Variants in THSD7B observed in about 807,000 individuals in gnomAD.
THSD7B encodes thrombospondin type-1 domain-containing protein 7B.
In THSD7B, 138 loss-of-function variants were observed where a neutral mutation model predicts 213.6. The ratio of observed to expected loss-of-function variants is 0.65; its 90% CI spans 0.56 to 0.74. THSD7B has a LOEUF of 0.74. Among genes scored for constraint, THSD7B ranks in the 30% least tolerant of loss-of-function variants. The probability of loss-of-function intolerance (pLI) is 0.00; values close to 1 mark genes in which losing one functional copy is unlikely to be tolerated. For synonymous variants in THSD7B, 742 were observed against 687.0 expected (o/e 1.08, Z -1.25); for missense variants, 1,931 against 1,991.5 (o/e 0.97, Z 0.58).
At position 137,056,552 on chromosome 2, in the gene THSD7B, G is replaced by T. The variant is rs756376621; in HGVS notation, c.272G>T (p.Arg91Ile). ...CGESNRPPKE[R>I]SCFRVCDWHS... ...GAGAGCAACAGGCCTCCAAAGGAAA[G>T]AAGTTGTTTCCGAGTTTGTGACTGG... Residue 91 changes from arginine (R) to isoleucine (I), a missense_variant, in exon 3 of 28, where the codon AGA (arginine) becomes ATA (isoleucine). By Grantham distance (97) the Arg-to-Ile change is moderately conservative. Coordinates refer to ENST00000409968, the MANE Select transcript of THSD7B (RefSeq NM_001316349.2). 6 of 1,613,936 alleles carry T rather than the reference G, an allele frequency of 3.7e-6. No individual in the cohort carries two copies. Among genetic ancestry groups the T allele is most frequent in the Non-Finnish European group, 5.1e-6 (6 of 1,179,862 alleles).
At chr2:137,111,106 G>A (rs1688338383) in intron 4 of THSD7B, among the ~76,000 whole-genome samples, 1 of 152,186 alleles carries the variant, frequency 6.6e-6, no homozygotes, top group South Asian at 2.1e-4. Context: ...TCTCCTGAAA[G>A]AGCTGAAATG....
intron 7 of THSD7B, among the ~76,000 whole-genome samples, chr2:137,183,152 T>C (rs112286105): frequency 0.011 from 1,679 of 152,240 alleles, 37 homozygotes; most frequent in African/African-American, 0.038. Flanking sequence ...TGCTATTTTG[T>C]AAAATTTTTG....
intron 4 of THSD7B, among the ~76,000 whole-genome samples, chr2:137,108,709 T>C (rs1688297412): frequency 6.6e-6 from 1 of 152,208 alleles, no homozygotes; most frequent in Non-Finnish European, 1.5e-5. Context: ...AATGATAACA[T>C]ATTAAATCTT....
chr2:136,776,023 C>G (rs1304394195), intron 1 of THSD7B, among the ~76,000 whole-genome samples: 1 of 152,102 alleles, frequency 6.6e-6, no homozygotes, highest in African/African-American at 2.4e-5. Flanking sequence ...AATATATGTA[C>G]TATGGTTGGC....
At chr2:137,020,406 A>G (rs1018273032) in intron 2 of THSD7B, among the ~76,000 whole-genome samples, 1 of 152,186 alleles carries the variant, frequency 6.6e-6, no homozygotes, top group Non-Finnish European at 1.5e-5. Context: ...AATGCCTGCA[A>G]TCGCTTTAGA....
intron 2 of THSD7B, among the ~76,000 whole-genome samples, chr2:136,993,820 TCA>T (rs1491277094): frequency 2.7e-5 from 4 of 150,908 alleles, no homozygotes; most frequent in African/African-American, 9.8e-5. Context: ...AAAGGTGGGG[TCA>T]TGTGTGTCTG....
chr2:137,489,972 A>G (rs902432595), intron 15 of THSD7B, among the ~76,000 whole-genome samples: 1 of 152,206 alleles, frequency 6.6e-6, no homozygotes, highest in Non-Finnish European at 1.5e-5. Flanking sequence ...CTCAAGAACA[A>G]TAGATATTCA....
chr2:136,946,166 G>A (rs1684933090), intron 2 of THSD7B, among the ~76,000 whole-genome samples: 1 of 152,104 alleles, frequency 6.6e-6, no homozygotes, highest in African/African-American at 2.4e-5. Flanking sequence ...CCTTTTTGTT[G>A]ATGTTTATGC....
intron 12 of THSD7B, among the ~76,000 whole-genome samples, chr2:137,357,698 A>G (rs1296248113): frequency 1.3e-5 from 2 of 152,190 alleles, no homozygotes; most frequent in Admixed American, 1.3e-4. Context: ...TTTGAGGACA[A>G]TGCATGACCA....
At chr2:137,372,886 C>G (rs1453964042) in intron 12 of THSD7B, among the ~76,000 whole-genome samples, 1 of 141,690 alleles carries the variant, frequency 7.1e-6, no homozygotes, top group Admixed American at 7.5e-5. Context: ...TGTGATGTTC[C>G]CCTTCCTGTG....
At chr2:137,105,459 A>T (rs1179061320) in intron 4 of THSD7B, among the ~76,000 whole-genome samples, 1 of 152,134 alleles carries the variant, frequency 6.6e-6, no homozygotes, top group Non-Finnish European at 1.5e-5. Flanking sequence ...ATACTGAACG[A>T]GCAAAAACTG....
rs1008677891 is a variant in THSD7B, at chr2:137,636,481, A to G, written c.3800-6007A>G. Among the ~76,000 whole-genome samples, 7 of 152,386 alleles carry G rather than the reference A, an allele frequency of 4.6e-5. No homozygotes were observed. The South Asian group carries it at 1.0e-3, about 23-fold the overall frequency. On this transcript the variant is annotated intron_variant, in intron 20 of 27. Coordinates refer to ENST00000409968, the MANE Select transcript of THSD7B (RefSeq NM_001316349.2). ...CAATTTATTATTTGTCCTAATAACAAGTGCATAATTGTAATCATAATATAT... is the reference window on the plus strand; with the variant it reads ...CAATTTATTATTTGTCCTAATAACAGGTGCATAATTGTAATCATAATATAT...
intron 1 of THSD7B, among the ~76,000 whole-genome samples, chr2:136,833,343 G>A (rs7567957): frequency 0.023 from 2,462 of 104,854 alleles, 79 homozygotes; most frequent in African/African-American, 0.086. Context: ...TGGCCTCGGC[G>A]AAAGAGCGAG....
chr2:137,415,288 T>C (rs1686767648), intron 14 of THSD7B, among the ~76,000 whole-genome samples: 1 of 152,152 alleles, frequency 6.6e-6, no homozygotes, highest in Admixed American at 6.5e-5. Flanking sequence ...TGGCCCCTAT[T>C]GGATACACAT....
At chr2:137,285,882 T>C (rs1683161978) in intron 12 of THSD7B, among the ~76,000 whole-genome samples, 1 of 151,958 alleles carries the variant, frequency 6.6e-6, no homozygotes, top group Admixed American at 6.6e-5. Flanking sequence ...GGTGGGCGGA[T>C]CACCTGAGGT....
chr2:136,893,875 A>G (rs866282613), intron 2 of THSD7B, among the ~76,000 whole-genome samples: 78 of 152,330 alleles, frequency 5.1e-4, no homozygotes, highest in African/African-American at 1.8e-3. Flanking sequence ...ACCTTATTCT[A>G]ATAATAGGTA....
intron 12 of THSD7B, among the ~76,000 whole-genome samples, chr2:137,343,860 A>G (rs1380934341): frequency 6.6e-6 from 1 of 151,792 alleles, no homozygotes; most frequent in East Asian, 1.9e-4. Flanking sequence ...ATTCTTTTAC[A>G]ATGCACTGAA....
intron 1 of THSD7B, among the ~76,000 whole-genome samples, chr2:136,861,443 A>G (rs575662460): frequency 4.6e-5 from 7 of 152,286 alleles, no homozygotes; most frequent in African/African-American, 9.6e-5. Context: ...TCCACAATAA[A>G]CATGTAGTTA....
chr2:137,260,136 A>G (rs904542481), intron 10 of THSD7B, among the ~76,000 whole-genome samples: 6 of 152,316 alleles, frequency 3.9e-5, no homozygotes, highest in African/African-American at 1.4e-4. Context: ...ATTGCAAGGC[A>G]AACAAAAATA....
Sources: gnomAD v4.1 joint callset for allele counts (sites outside exome capture counted in the v4.1 genomes callset) on GRCh38, gnomAD v4.1.1 for gene constraint, MANE v1.5 for transcripts, NCBI Gene and HGNC (gene_info 2026-07-23, HGNC 2026-07-21) for gene names.